SYCP2L: variants seen among roughly 807,000 people sequenced by gnomAD.
SYCP2L encodes the protein synaptonemal complex protein 2-like.
A neutral mutation model predicts 125.8 loss-of-function variants in SYCP2L; 98 were observed. The ratio of observed to expected loss-of-function variants is 0.78; its 90% CI spans 0.66 to 0.92. SYCP2L has a LOEUF of 0.92. Among genes scored for constraint, SYCP2L ranks in the 40% least tolerant of loss-of-function variants. The pLI, the probability that SYCP2L is intolerant of heterozygous loss-of-function variation, is 0.00. For missense variants in SYCP2L, 842 were observed against 936.4 expected (o/e 0.90, Z 1.32); for synonymous variants, 317 against 325.4 (o/e 0.97, Z 0.28).
Position 10,926,369 on chromosome 6 carries a change from G to C in SYCP2L, c.1249G>C (p.Glu417Gln). ...GCCTGACCAGACGAAAATCTCCTCA[G>C]AACTTTTTAGTAAGTCTGATAAAGA... ...MLPDQTKISSELFSKSDKEDR... is the reference protein window; with the variant it reads ...MLPDQTKISSQLFSKSDKEDR... Residue 417 changes from glutamate to glutamine, a missense_variant, in exon 16 of 30, where the codon GAA (glutamate) becomes CAA (glutamine). Transcript: ENST00000283141. 1 of 1,613,644 alleles carries C rather than the reference G, an allele frequency of 6.2e-7. No homozygotes were observed. The highest frequency in any genetic ancestry group is 8.5e-7 in the Non-Finnish European group (1 of 1,179,838).
At chr6:10,894,889 G>A (rs551248661) in intron 4 of SYCP2L, among the ~76,000 whole-genome samples, 1 of 152,248 alleles carries the variant, frequency 6.6e-6, no homozygotes, top group South Asian at 2.1e-4. Flanking sequence ...GGATCATCTG[G>A]CTGCTAATAA....
chr6:10,902,497 G>C (rs971135578), intron 6 of SYCP2L, among the ~76,000 whole-genome samples, 180 bp from the exon 7 acceptor site: 3 of 152,176 alleles, frequency 2.0e-5, no homozygotes, highest in African/African-American at 4.8e-5. Flanking sequence ...GTGTGCACAT[G>C]CTCACAACCC....
chr6:10,888,188 C>G (rs537894101), intron 1 of SYCP2L, among the ~76,000 whole-genome samples: 12 of 142,030 alleles, frequency 8.4e-5, no homozygotes, highest in African/African-American at 2.8e-4. Context: ...CCTCTGCCTC[C>G]CGGGTTCAAG....
chr6:10,909,363 G>C (rs1469416248), intron 10 of SYCP2L, among the ~76,000 whole-genome samples: 2 of 151,934 alleles, frequency 1.3e-5, no homozygotes, highest in East Asian at 3.9e-4. Flanking sequence ...CCCAACCTCA[G>C]GTGATCTGCC....
In SYCP2L at chr6:10,891,496, G is replaced by C. The variant is rs775693990; in HGVS notation, c.10-17G>C. ...TGAAATAAAAATTGTTTAAAAACAT[G>C]TTTTTATTCCACACAGAAAAACAAA... On this transcript the variant is annotated splice_polypyrimidine_tract_variant and intron_variant, in intron 1 of 29. Transcript: ENST00000283141. The C allele has an allele frequency of 2.0e-6, 3 of 1,466,730 alleles. No homozygotes were observed. In the African/African-American group the frequency reaches 4.5e-5, roughly 22 times the overall value. The allele number at this position is 1,466,730 out of a possible 1,614,324, so 90.9% of individuals were successfully genotyped here. A position where few individuals can be genotyped will look rare whatever the true frequency, so the allele number is the denominator to read the frequency against.
chr6:10,921,912 T>C (rs1205861819), intron 14 of SYCP2L, among the ~76,000 whole-genome samples: 1 of 152,118 alleles, frequency 6.6e-6, no homozygotes, highest in Non-Finnish European at 1.5e-5. Flanking sequence ...TTCACCGTGT[T>C]AGCCAGGATG....
chr6:10,893,739 A>T, intron 2 of SYCP2L, 128 bp from the exon 3 acceptor site: 1 of 1,035,062 alleles, frequency 9.7e-7, no homozygotes, highest in South Asian at 1.5e-5. Flanking sequence ...CAAGATAGAG[A>T]TCTCCATTCT....
At position 10,912,641 on chromosome 6, in the gene SYCP2L, T is replaced by C. The variant is rs750601269; in HGVS notation, c.919-32T>C. The C allele has an allele frequency of 6.8e-7, 1 of 1,462,224 alleles. No homozygotes were observed. Among genetic ancestry groups the C allele is most frequent in the Non-Finnish European group, 9.5e-7 (1 of 1,047,966 alleles). 90.6% of individuals were successfully genotyped at this position (1,462,224 alleles called of 1,614,324 possible). On this transcript the variant is annotated intron_variant, in intron 12 of 29. Coordinates refer to ENST00000283141, the MANE Select transcript of SYCP2L (RefSeq NM_001040274.3). This position sits in a 1 kb window ranked among gnomAD's most constrained non-coding sequence, Gnocchi z 4.1. Reference sequence around the variant, plus strand: ...CTGACCCTATAGCATGATTTTTATGTGTATAAGTCATGCTGAAATGATCTC... The same window carrying C: ...CTGACCCTATAGCATGATTTTTATGCGTATAAGTCATGCTGAAATGATCTC...
At chr6:10,914,265 T>C (rs1561685608) in intron 14 of SYCP2L, among the ~76,000 whole-genome samples, 1 of 152,232 alleles carries the variant, frequency 6.6e-6, no homozygotes, top group East Asian at 1.9e-4. Context: ...CCCAGCACCA[T>C]TTGTTGAAAA....
At position 10,887,070 on chromosome 6, in the gene SYCP2L, C is replaced by A. The variant is rs561915526; in HGVS notation, c.-57C>A. The A allele has an allele frequency of 1.9e-6, 3 of 1,612,436 alleles. No homozygotes were observed. The highest frequency in any genetic ancestry group is 1.7e-5 in the Admixed American group (1 of 59,892). On this transcript the variant is annotated 5_prime_UTR_variant, in exon 1 of 30. Transcript: ENST00000283141. ...CTTGGGCGGGGAAGCAGGAGAGGGC[C>A]GACCGAGCGCAACAAAGCTGAGCGG...
At chr6:10,906,357 C>T (rs1202629198) in intron 9 of SYCP2L, among the ~76,000 whole-genome samples, 1 of 151,876 alleles carries the variant, frequency 6.6e-6, no homozygotes, top group Non-Finnish European at 1.5e-5. Flanking sequence ...CCATGTTCCT[C>T]ATCCCATTTC....
At position 10,961,293 on chromosome 6, in the gene SYCP2L, T is replaced by C. The variant is rs1189142346; in HGVS notation, c.2256-12T>C. 2.5e-6 allele frequency: 4 copies of C among 1,605,404 alleles called. No homozygotes were observed. In the South Asian group the frequency reaches 4.4e-5, roughly 18 times the overall value. On this transcript the variant is annotated splice_polypyrimidine_tract_variant and intron_variant, in intron 26 of 29. Transcript: ENST00000283141. ...CGATCCCAATGATATTTACTGCTTTTATGTTTATTAGACTCAATAAACTAG... is the reference window on the plus strand; with the variant it reads ...CGATCCCAATGATATTTACTGCTTTCATGTTTATTAGACTCAATAAACTAG...
chr6:10,887,202 C>T (rs990081075), intron 1 of SYCP2L, 67 bp downstream of exon 1: 9 of 1,605,762 alleles, frequency 5.6e-6, no homozygotes, highest in African/African-American at 2.7e-5. Context: ...GCGCGGGGTC[C>T]CTGGGGCTCA....
intron 1 of SYCP2L, among the ~76,000 whole-genome samples, chr6:10,890,951 A>G (rs940842136): frequency 1.3e-5 from 2 of 152,142 alleles, no homozygotes; most frequent in African/African-American, 4.8e-5. Context: ...TTCCCCATGA[A>G]TGTTCTTGAC....
At chr6:10,905,736 A>G (rs1363238341) in intron 8 of SYCP2L, among the ~76,000 whole-genome samples, 2 of 152,216 alleles carry the variant, frequency 1.3e-5, no homozygotes, top group Non-Finnish European at 2.9e-5. Flanking sequence ...TAATCTGATG[A>G]ACCCTTAGAG....
rs192247837 is a variant in SYCP2L at position 10,915,348 on chromosome 6, C to T, written c.1072+2421C>T. 4.1e-4 allele frequency among the ~76,000 whole-genome samples: 63 copies of T among 152,238 alleles called. 1 individual carries two copies. In the East Asian group the frequency reaches 0.011, roughly 26 times the overall value. On this transcript the variant is annotated intron_variant, in intron 14 of 29. Transcript: ENST00000283141. ...GTCTGATTGCTCTGGCTAGGACTTC[C>T]GATACTATGTTGAAGAGGAGTGGTG...
chr6:10,920,576 A>G (rs1780778990), intron 14 of SYCP2L, among the ~76,000 whole-genome samples: 1 of 152,228 alleles, frequency 6.6e-6, no homozygotes. Flanking sequence ...AGAGTGCCTC[A>G]TGGGAAGAAG....
chr6:10,892,251 G>T (rs897819856), intron 2 of SYCP2L, among the ~76,000 whole-genome samples: 1 of 152,212 alleles, frequency 6.6e-6, no homozygotes, highest in Non-Finnish European at 1.5e-5. Context: ...ACGTTCTGCG[G>T]ACTAAAGCAA....
intron 23 of SYCP2L, among the ~76,000 whole-genome samples, chr6:10,943,683 G>C (rs566344148): frequency 6.6e-6 from 1 of 152,196 alleles, no homozygotes; most frequent in South Asian, 2.1e-4. Flanking sequence ...CCCTCATAGA[G>C]GTAATGACTT....
Sources: allele counts gnomAD v4.1 joint callset (sites outside exome capture counted in the v4.1 genomes callset), GRCh38; gene constraint gnomAD v4.1.1; non-coding constraint Gnocchi (gnomAD v3.1); transcripts MANE v1.5; gene names NCBI Gene and HGNC (gene_info 2026-07-23, HGNC 2026-07-21).